Variants in DNM3 observed in about 807,000 individuals in gnomAD.
DNM3 encodes the protein dynamin-3.
DNM3 carries 47 observed loss-of-function variants against 101.6 expected under a neutral mutation model. The ratio of observed to expected loss-of-function variants is 0.46; its 90% CI spans 0.37 to 0.59. DNM3 has a LOEUF of 0.59. Among genes scored for constraint, DNM3 ranks in the 20% least tolerant of loss-of-function variants. The probability of loss-of-function intolerance (pLI) is 0.00; values close to 1 mark genes in which losing one functional copy is unlikely to be tolerated. For missense variants in DNM3, 849 were observed against 1,085.7 expected, an observed-to-expected ratio of 0.78 and a Z score of 3.06; for synonymous variants, 385 against 387.9, an observed-to-expected ratio of 0.99 and a Z score of 0.09.
intron 3 of DNM3, 123 bp from the exon 4 acceptor site, chr1:171,988,822 A>T: frequency 1.3e-6 from 1 of 760,542 alleles, no homozygotes; most frequent in Non-Finnish European, 2.1e-6. Flanking sequence ...TTTATTCTAC[A>T]CACATGGGTT....
intron 1 of DNM3, among the ~76,000 whole-genome samples, chr1:171,903,243 G>C (rs2125239134): frequency 6.6e-6 from 1 of 152,158 alleles, no homozygotes; most frequent in South Asian, 2.1e-4. Context: ...TTCTAATTGA[G>C]AGAAATAAGA....
At chr1:172,338,239 TG>T (rs1218064703) in intron 17 of DNM3, among the ~76,000 whole-genome samples, 1 of 152,162 alleles carries the variant, frequency 6.6e-6, no homozygotes, top group Admixed American at 6.6e-5. Flanking sequence ...TTAAACAAAC[TG>T]CCAGAGTAAT....
In DNM3 at chr1:171,987,210, T is replaced by C. The variant is rs572260677; in HGVS notation, c.236-446T>C. 9 of 666,462 alleles carry C rather than the reference T, an allele frequency of 1.4e-5. No individual in the cohort carries two copies. In the Admixed American group the frequency reaches 5.7e-4, roughly 42 times the overall value. 41.3% of individuals were successfully genotyped at this position (666,462 alleles called of 1,614,324 possible). On this transcript the variant is annotated intron_variant, in intron 2 of 20. Transcript: ENST00000627582. The stretch of plus-strand genomic sequence containing the variant: ...TTTTTAACAAATTAAATGATTTCCC[T>C]TAACTTATTTTGCCTTCTGAAGATA...
At chr1:172,146,169 TG>T (rs1480984740) in intron 14 of DNM3, among the ~76,000 whole-genome samples, 1 of 152,206 alleles carries the variant, frequency 6.6e-6, no homozygotes, top group African/African-American at 2.4e-5. Flanking sequence ...ACTGGCCTTC[TG>T]AAATACTTTT....
At chr1:172,307,170 C>CA (rs1242262850) in intron 15 of DNM3, among the ~76,000 whole-genome samples, 1 of 152,140 alleles carries the variant, frequency 6.6e-6, no homozygotes, top group African/African-American at 2.4e-5. Flanking sequence ...AGAACTTAAA[C>CA]AAATTTTACC....
intron 20 of DNM3, among the ~76,000 whole-genome samples, chr1:172,396,894 C>T (rs774243936): frequency 1.3e-5 from 2 of 152,102 alleles, no homozygotes; most frequent in African/African-American, 2.4e-5. Context: ...AAAGGCATTT[C>T]GCAGTCCAGA....
chr1:172,407,630 A>T, intron 20 of DNM3, 142 bp from the exon 21 acceptor site: 1 of 752,220 alleles, frequency 1.3e-6, no homozygotes, highest in Non-Finnish European at 2.2e-6. Context: ...TGACAATGTT[A>T]AAATCATTAC....
At chr1:172,352,670 G>T (rs1222360615) in intron 17 of DNM3, among the ~76,000 whole-genome samples, 1 of 152,116 alleles carries the variant, frequency 6.6e-6, no homozygotes, top group Non-Finnish European at 1.5e-5. Context: ...CTCACCTCCA[G>T]TAGTTACAGT....
intron 1 of DNM3, among the ~76,000 whole-genome samples, chr1:171,900,320 G>A (rs1463337496): frequency 6.6e-6 from 1 of 152,124 alleles, no homozygotes; most frequent in Non-Finnish European, 1.5e-5. Context: ...CAGATTCACG[G>A]GTGGTAGCCA....
rs943304897 is a variant in DNM3, at chr1:172,207,995, C to T, written c.1660-45578C>T. On this transcript the variant is annotated intron_variant, in intron 14 of 20. Coordinates refer to ENST00000627582, the MANE Select transcript of DNM3 (RefSeq NM_015569.5). The stretch of plus-strand genomic sequence containing the variant: ...ACTTCCATTTTGAGTTATACAGTAA[C>T]AATGCTAAGTTTGTATAGCTTTATG... Among the ~76,000 whole-genome samples, 10 of 151,526 alleles carry T rather than the reference C, an allele frequency of 6.6e-5. No homozygotes were observed. The East Asian group carries it at 1.7e-3, about 26-fold the overall frequency.
At chr1:171,897,204 G>A (rs543290094) in intron 1 of DNM3, among the ~76,000 whole-genome samples, 93 of 152,170 alleles carry the variant, frequency 6.1e-4, no homozygotes, top group Non-Finnish European at 1.2e-3. Context: ...TGAATTTCAC[G>A]AATCAGTTTT....
chr1:172,239,798 C>CTTTTTTT lies in DNM3; in HGVS notation c.1660-13774_1660-13773insTTTTTTT, dbSNP rs369238528. Among the ~76,000 whole-genome samples, 561 of 106,844 alleles carry CTTTTTTT rather than the reference C, an allele frequency of 5.3e-3. 47 individuals carry two copies. The highest frequency in any genetic ancestry group is 5.5e-3 in the Non-Finnish European group (313 of 56,556). 70.1% of individuals were successfully genotyped at this position (106,844 alleles called of 152,430 possible). On this transcript the variant is annotated intron_variant, in intron 14 of 20. Coordinates refer to ENST00000627582, the MANE Select transcript of DNM3 (RefSeq NM_015569.5). ...TTTCTCCAGCCCTGTCTTTTTTTTT[C>CTTTTTTT]TCTTTTTTTTTTTTTTTTTTTTGTA... is the stretch of plus-strand genomic sequence containing the variant.
intron 15 of DNM3, among the ~76,000 whole-genome samples, chr1:172,277,777 A>G (rs998434247): frequency 2.0e-5 from 3 of 152,082 alleles, no homozygotes; most frequent in Non-Finnish European, 2.9e-5. Flanking sequence ...TTCAAGTGTT[A>G]ATGTCATTGA....
At chr1:172,177,151 C>T (rs761246592) in intron 14 of DNM3, among the ~76,000 whole-genome samples, 1 of 151,600 alleles carries the variant, frequency 6.6e-6, no homozygotes, top group Non-Finnish European at 1.5e-5. Flanking sequence ...GCCAGTTTTT[C>T]AAAGTTTCTT....
At chr1:171,932,478 T>C (rs2041104935) in intron 2 of DNM3, among the ~76,000 whole-genome samples, 1 of 152,034 alleles carries the variant, frequency 6.6e-6, no homozygotes, top group African/African-American at 2.4e-5. Flanking sequence ...TACCTTTTTC[T>C]TTGTATTTCT....
At position 172,097,169 on chromosome 1, in the gene DNM3, A is replaced by G. The variant is rs192144545; in HGVS notation, c.1545+4294A>G. 1.6e-4 allele frequency among the ~76,000 whole-genome samples: 24 copies of G among 152,194 alleles called. No individual in the cohort carries two copies. The East Asian group carries it at 4.1e-3, about 26-fold the overall frequency. On this transcript the variant is annotated intron_variant, in intron 13 of 20. Coordinates refer to ENST00000627582, the MANE Select transcript of DNM3 (RefSeq NM_015569.5). Reference sequence around the variant, plus strand: ...GTAATCCCAGCACTTTGGGAGGCCGAGGTGGGTGGATCACAAGGTCAAGAG... The same window carrying G: ...GTAATCCCAGCACTTTGGGAGGCCGGGGTGGGTGGATCACAAGGTCAAGAG...
chr1:172,250,465 A>T (rs1223826211), intron 14 of DNM3, among the ~76,000 whole-genome samples: 1 of 152,164 alleles, frequency 6.6e-6, no homozygotes, highest in African/African-American at 2.4e-5. Flanking sequence ...AAAGCTATTG[A>T]AAGTTCTGAA....
chr1:172,129,813 A>G (rs1015738636), intron 13 of DNM3, among the ~76,000 whole-genome samples: 1 of 152,196 alleles, frequency 6.6e-6, no homozygotes, highest in Non-Finnish European at 1.5e-5. Context: ...CTATATCACT[A>G]TACTATACTA....
chr1:171,889,412 A>T (rs78589119), intron 1 of DNM3, among the ~76,000 whole-genome samples: 1,996 of 152,340 alleles, frequency 0.013, 40 homozygotes, highest in African/African-American at 0.043. Flanking sequence ...GAATAATATT[A>T]AAAAAATCAA....
Sources: gnomAD v4.1 joint callset for allele counts (sites outside exome capture counted in the v4.1 genomes callset) on GRCh38, gnomAD v4.1.1 for gene constraint, MANE v1.5 for transcripts, NCBI Gene and HGNC (gene_info 2026-07-23, HGNC 2026-07-21) for gene names.